The following CLCN3 variants were observed in gnomAD, a reference collection of about 807,000 sequenced individuals.
The protein encoded by CLCN3 is Cl-/H+ antiporter 3, also known as H(+)/Cl(-) exchange transporter 3.
Under a neutral mutation model 83.4 loss-of-function variants are expected in CLCN3, and 16 were observed. That is an observed-to-expected ratio of 0.19 (90% CI 0.13 to 0.29). The LOEUF (loss-of-function observed/expected upper bound fraction) is 0.29, where lower values mean the gene tolerates loss of function less well. CLCN3 is among the 10% of genes least tolerant of loss of function. The probability of loss-of-function intolerance (pLI) is 1.00; values close to 1 mark genes in which losing one functional copy is unlikely to be tolerated. For synonymous variants in CLCN3, 322 were observed against 346.2 expected (o/e 0.93, Z 0.78); for missense variants, 544 against 1,006.0 (o/e 0.54, Z 6.21).
chr4:169,697,106 T>C, intron 8 of CLCN3, 83 bp from the exon 9 acceptor site: 2 of 985,380 alleles, frequency 2.0e-6, no homozygotes, highest in Non-Finnish European at 2.9e-6. Flanking sequence ...AGAGCTAGGA[T>C]ATTTACCATT....
intron 3 of CLCN3, among the ~76,000 whole-genome samples, chr4:169,683,848 G>A (rs1732045939): frequency 6.6e-6 from 1 of 151,604 alleles, no homozygotes. Context: ...GGCTCAAGCA[G>A]CTCTCGTGCT....
At chr4:169,632,589 C>T (rs1233221922) in intron 1 of CLCN3, among the ~76,000 whole-genome samples, 1 of 151,606 alleles carries the variant, frequency 6.6e-6, no homozygotes, top group Non-Finnish European at 1.5e-5. Flanking sequence ...CAGTGGCGGG[C>T]GCCTGTAGTC....
At position 169,720,526 on chromosome 4, in the gene CLCN3, T is replaced by TTCTCTCTATCTCTCTCTC. The variant is rs1733597245; in HGVS notation, c.*536_*537insATCTCTCTCTCTCTCTCT. 1 of 146,784 alleles carries TTCTCTCTATCTCTCTCTC rather than the reference T, an allele frequency of 6.8e-6. No individual in the cohort carries two copies. The highest frequency in any genetic ancestry group is 6.8e-5 in the Admixed American group (1 of 14,738). The allele number at this position is 146,784 out of a possible 1,614,324, so 9.1% of individuals were successfully genotyped here. On this transcript the variant is annotated 3_prime_UTR_variant, in exon 13 of 13. Coordinates refer to ENST00000513761, the MANE Select transcript of CLCN3 (RefSeq NM_001829.4). ...TTCTACATTCCAGAAGAGCCTTTAT[T>TTCTCTCTATCTCTCTCTC]TCTCTCTCTCTCTCTCTCTCTCTCT...
At chr4:169,667,150 A>AT (rs1254256079) in intron 2 of CLCN3, among the ~76,000 whole-genome samples, 2 of 152,132 alleles carry the variant, frequency 1.3e-5, no homozygotes, top group Non-Finnish European at 2.9e-5. Flanking sequence ...TCTAGGATCC[A>AT]TTTTTAGCTA....
intron 2 of CLCN3, among the ~76,000 whole-genome samples, chr4:169,668,730 A>ATTT (rs538629875): frequency 8.0e-4 from 114 of 141,742 alleles, no homozygotes; most frequent in South Asian, 1.3e-3. Context: ...AAAGTTTTTG[A>ATTT]TTTTTTTTTT....
intron 2 of CLCN3, among the ~76,000 whole-genome samples, chr4:169,643,632 C>T (rs1730486906): frequency 6.6e-6 from 1 of 152,084 alleles, no homozygotes; most frequent in Non-Finnish European, 1.5e-5. Flanking sequence ...TCCATGGACT[C>T]GAGTGATCCT....
In CLCN3 at chr4:169,690,776, A is replaced by AT; in HGVS notation, c.729+131dup. The AT allele has an allele frequency of 5.8e-6, 5 of 864,662 alleles. No individual in the cohort carries two copies. In the South Asian group the frequency reaches 1.0e-4, roughly 18 times the overall value. 53.6% of individuals were successfully genotyped at this position (864,662 alleles called of 1,614,324 possible). On this transcript the variant is annotated intron_variant, in intron 6 of 12. Coordinates refer to ENST00000513761, the MANE Select transcript of CLCN3 (RefSeq NM_001829.4). ...AGTTTGTTCATAATATGAAAAAAAA[A>AT]TTTTTTTAAGTATAAGCTGATGGTA... is the stretch of plus-strand genomic sequence containing the variant.
Position 169,704,094 on chromosome 4 carries a change from G to A in CLCN3, c.1660G>A (p.Asp554Asn), listed in dbSNP as rs755852057. ...AVEQLAYYHHDWFIFKEWCEV... is the reference protein window; with the variant it reads ...AVEQLAYYHHNWFIFKEWCEV... ...GGAGCAGCTTGCCTACTATCACCAC[G>A]ACTGGTTTATCTTTAAGGAGTGGTG... Residue 554 changes from aspartate to asparagine, a missense_variant, in exon 10 of 13, where the codon GAC (aspartate) becomes AAC (asparagine). Around this residue, in one of 6 missense-constraint regions of CLCN3, gnomAD observed 194 missense variants for 341.4 expected, o/e 0.57. Transcript: ENST00000513761. The A allele has an allele frequency of 9.3e-6, 15 of 1,614,000 alleles. No homozygotes were observed. The Admixed American group carries it at 1.0e-4, about 11-fold the overall frequency.
intron 9 of CLCN3, among the ~76,000 whole-genome samples, chr4:169,700,676 ACTTACCTGAGAG>A (rs974813573): frequency 4.6e-5 from 7 of 152,214 alleles, no homozygotes; most frequent in African/African-American, 1.7e-4. Context: ...ATATAAATAG[ACTTACCTGAGAG>A]ATATAGGTTC....
chr4:169,692,693 T>C (rs1483713010), intron 7 of CLCN3, among the ~76,000 whole-genome samples: 2 of 152,196 alleles, frequency 1.3e-5, no homozygotes, highest in South Asian at 2.1e-4. Context: ...TTAATAGCTA[T>C]GTTTTCCTCC....
chr4:169,673,812 C>T (rs1017884070), intron 2 of CLCN3, among the ~76,000 whole-genome samples: 10 of 152,032 alleles, frequency 6.6e-5, no homozygotes, highest in African/African-American at 2.2e-4. Context: ...TCTCCAAGTA[C>T]GATATATGCC....
intron 2 of CLCN3, among the ~76,000 whole-genome samples, chr4:169,654,750 C>A (rs1055204088): frequency 6.6e-6 from 1 of 152,002 alleles, no homozygotes; most frequent in African/African-American, 2.4e-5. Context: ...AAATTTTTTG[C>A]AACTTGCATT....
intron 9 of CLCN3, among the ~76,000 whole-genome samples, chr4:169,703,039 T>A (rs576954021): frequency 6.6e-6 from 1 of 152,188 alleles, no homozygotes; most frequent in East Asian, 1.9e-4. Flanking sequence ...ACAACACTTA[T>A]TAAGTTCACT....
chr4:169,650,626 T>C (rs1338279029), intron 2 of CLCN3, among the ~76,000 whole-genome samples: 2 of 152,236 alleles, frequency 1.3e-5, no homozygotes, highest in Non-Finnish European at 2.9e-5. Flanking sequence ...TACCATTTAA[T>C]GTCTGTCTGT....
chr4:169,649,337 G>A (rs139245611), intron 2 of CLCN3, among the ~76,000 whole-genome samples: 21 of 152,302 alleles, frequency 1.4e-4, no homozygotes, highest in African/African-American at 5.1e-4. Context: ...CAAGAGTGGT[G>A]GGAAACCACT....
At chr4:169,674,164 T>G (rs1731587739) in intron 2 of CLCN3, among the ~76,000 whole-genome samples, 1 of 152,208 alleles carries the variant, frequency 6.6e-6, no homozygotes, top group Admixed American at 6.5e-5. Context: ...CATCCTGTTG[T>G]TTTAATCTAG....
intron 2 of CLCN3, among the ~76,000 whole-genome samples, chr4:169,664,355 A>G (rs35280277): frequency 0.17 from 26,188 of 152,168 alleles, 2,908 homozygotes; most frequent in South Asian, 0.3. Flanking sequence ...TTCTATTATA[A>G]TAGAGGTTTG....
intron 3 of CLCN3, among the ~76,000 whole-genome samples, chr4:169,685,874 G>T (rs1231988607): frequency 6.6e-6 from 1 of 152,284 alleles, no homozygotes; most frequent in Non-Finnish European, 1.5e-5. Flanking sequence ...TAATTCTAAA[G>T]AATGGTTAAT....
intron 3 of CLCN3, among the ~76,000 whole-genome samples, chr4:169,687,343 G>A (rs566804962): frequency 5.3e-5 from 8 of 152,150 alleles, no homozygotes; most frequent in African/African-American, 1.2e-4. Flanking sequence ...CACTTTGGGA[G>A]CCCAAGGCAG....
Sources: allele counts gnomAD v4.1 joint callset (sites outside exome capture counted in the v4.1 genomes callset), GRCh38; gene constraint gnomAD v4.1.1; regional missense constraint gnomAD v4.1.1; transcripts MANE v1.5; gene names NCBI Gene and HGNC (gene_info 2026-07-23, HGNC 2026-07-21).